The following CUL2 variants were observed in gnomAD, a reference collection of about 807,000 sequenced individuals.
CUL2 encodes cullin-2.
A neutral mutation model predicts 110.2 loss-of-function variants in CUL2; 22 were observed. That is an observed-to-expected ratio of 0.20 (90% CI 0.14 to 0.28). The LOEUF (loss-of-function observed/expected upper bound fraction) is 0.28, where lower values mean the gene tolerates loss of function less well. Ranked by LOEUF, CUL2 falls within the 10% of genes least tolerant of loss-of-function variation. CUL2 has a pLI of 1.00. For synonymous variants in CUL2, 279 were observed against 293.2 expected (o/e 0.95, Z 0.49); for missense variants, 631 against 905.5 (o/e 0.70, Z 3.89).
intron 1 of CUL2, chr10:35,074,216 A>G (rs1374158733): frequency 6.5e-7 from 1 of 1,535,294 alleles, no homozygotes; most frequent in Non-Finnish European, 8.7e-7. Context: ...TGACCATGTT[A>G]CTCTGTACAT....
chr10:35,025,107 C>G, intron 17 of CUL2, 25 bp downstream of exon 17: 1 of 1,464,698 alleles, frequency 6.8e-7, no homozygotes, highest in Non-Finnish European at 9.0e-7. Context: ...TTTCATTAAG[C>G]CAGATATAAT....
intron 5 of CUL2, among the ~76,000 whole-genome samples, chr10:35,051,086 C>T (rs936839558): frequency 3.3e-5 from 5 of 152,024 alleles, no homozygotes; most frequent in African/African-American, 9.7e-5. Flanking sequence ...GAGGCTGAGA[C>T]GGGCGGATCA....
intron 4 of CUL2, among the ~76,000 whole-genome samples, chr10:35,057,201 A>C (rs1037504703): frequency 2.0e-5 from 3 of 152,246 alleles, no homozygotes; most frequent in African/African-American, 7.2e-5. Flanking sequence ...TTCTTGAGCC[A>C]GGTATTGATT....
chr10:35,023,166 T>C (rs2085245393), intron 17 of CUL2, among the ~76,000 whole-genome samples: 1 of 152,180 alleles, frequency 6.6e-6, no homozygotes, highest in African/African-American at 2.4e-5. Flanking sequence ...AGTTAATCAT[T>C]TTACAATATA....
intron 1 of CUL2, among the ~76,000 whole-genome samples, chr10:35,126,256 G>A (rs182172885): frequency 1.7e-4 from 26 of 152,338 alleles, no homozygotes; most frequent in Non-Finnish European, 3.4e-4. Flanking sequence ...CCCAGCATGC[G>A]GACCATTTCC....
chr10:35,065,195 T>G (rs2086485930), intron 2 of CUL2, among the ~76,000 whole-genome samples: 1 of 152,162 alleles, frequency 6.6e-6, no homozygotes, highest in South Asian at 2.1e-4. Flanking sequence ...AATGAGATTT[T>G]CAACCTCCAA....
chr10:35,073,778 A>C (rs980772411), intron 1 of CUL2, among the ~76,000 whole-genome samples: 1 of 151,452 alleles, frequency 6.6e-6, no homozygotes, highest in African/African-American at 2.4e-5. Flanking sequence ...CTAATTTTTT[A>C]TTTTTAGTAG....
At chr10:35,068,518 C>T (rs1269002556) in intron 2 of CUL2, among the ~76,000 whole-genome samples, 1 of 152,048 alleles carries the variant, frequency 6.6e-6, no homozygotes, top group East Asian at 1.9e-4. Context: ...TAGAGGGTCA[C>T]GTGTTTCGGG....
chr10:35,074,842 T>C (rs2086771507), intron 1 of CUL2, among the ~76,000 whole-genome samples: 1 of 152,188 alleles, frequency 6.6e-6, no homozygotes, highest in Non-Finnish European at 1.5e-5. Context: ...AGGTGTCCTA[T>C]CATAGGTATT....
chr10:35,071,406 TTTTG>T lies in CUL2; in HGVS notation c.-22-71_-22-68del, dbSNP rs752053946. 987 of 1,420,620 alleles carry T rather than the reference TTTTG, an allele frequency of 6.9e-4. 2 individuals carry two copies. Among genetic ancestry groups the T allele is most frequent in the Admixed American group, 1.3e-3 (68 of 53,232 alleles). The allele number at this position is 1,420,620 out of a possible 1,614,324, so 88.0% of individuals were successfully genotyped here. ...TGAGCTTAGTTTTTTTGTTGTTGTT[TTTTG>T]TTTGTTTGCTTTGAGACGGAGTCTC... On this transcript the variant is annotated intron_variant, in intron 1 of 20. Transcript: ENST00000374749.
intron 4 of CUL2, among the ~76,000 whole-genome samples, chr10:35,058,702 A>T (rs1280692720): frequency 2.6e-5 from 4 of 152,188 alleles, no homozygotes; most frequent in Non-Finnish European, 5.9e-5. Context: ...CTGGGCATTA[A>T]TTAGTCTCAC....
chr10:35,100,479 A>G (rs561816853), intron 2 of CUL2, among the ~76,000 whole-genome samples: 7 of 152,178 alleles, frequency 4.6e-5, no homozygotes, highest in African/African-American at 1.7e-4. Flanking sequence ...TAAATGACCC[A>G]GGCCAGGCGT....
intron 1 of CUL2, among the ~76,000 whole-genome samples, chr10:35,120,844 C>T (rs2087669234): frequency 6.6e-6 from 1 of 151,772 alleles, no homozygotes; most frequent in Admixed American, 6.6e-5. Context: ...TGCAGCGAGC[C>T]AAGATCATGC....
At chr10:35,114,289 C>T (rs1044262298) in intron 1 of CUL2, among the ~76,000 whole-genome samples, 8 of 151,682 alleles carry the variant, frequency 5.3e-5, no homozygotes, top group African/African-American at 9.7e-5. Flanking sequence ...GTCTGGAACT[C>T]CCGACCTCAA....
chr10:35,023,210 CAG>C (rs1288798299), intron 17 of CUL2, among the ~76,000 whole-genome samples: 4 of 152,102 alleles, frequency 2.6e-5, no homozygotes, highest in Non-Finnish European at 2.9e-5. Context: ...ACACTGTAAA[CAG>C]ATACAATTTT....
rs140685173 is a variant in CUL2, at chr10:35,027,189, G to A, written c.1617+1621C>T. Among the ~76,000 whole-genome samples the A allele has an allele frequency of 4.5e-3, 660 of 147,050 alleles. 1 individual carries two copies. The highest frequency in any genetic ancestry group is 0.012 in the African/African-American group (488 of 39,466). On this transcript the variant is annotated intron_variant, in intron 16 of 20. Transcript: ENST00000374749. ...AGGCGGAGTCTCGCTCTATCACCCA[G>A]GCTAAAGTGCAGTGGCGCAAACTCG...
chr10:35,080,041 G>A (rs1232147816), intron 1 of CUL2, among the ~76,000 whole-genome samples: 1 of 152,162 alleles, frequency 6.6e-6, no homozygotes, highest in African/African-American at 2.4e-5. Flanking sequence ...AGTTATTTCT[G>A]AAATTTTCCA....
chr10:35,074,233 CAA>C, intron 1 of CUL2: 1 of 1,534,894 alleles, frequency 6.5e-7, no homozygotes, highest in Non-Finnish European at 8.7e-7. Context: ...ACATAAAGTA[CAA>C]AGTTTGTTGT....
At chr10:35,113,834 G>A (rs932441763) in intron 1 of CUL2, among the ~76,000 whole-genome samples, 7 of 151,332 alleles carry the variant, frequency 4.6e-5, no homozygotes, top group African/African-American at 1.7e-4. Flanking sequence ...AGGCCCCTGA[G>A]AAGCTGGGAT....
Sources: gnomAD v4.1 joint callset for allele counts (sites outside exome capture counted in the v4.1 genomes callset) on GRCh38, gnomAD v4.1.1 for gene constraint, MANE v1.5 for transcripts, NCBI Gene and HGNC (gene_info 2026-07-23, HGNC 2026-07-21) for gene names.